TTC22: variants seen among roughly 807,000 people sequenced by gnomAD.
The protein encoded by TTC22 is tetratricopeptide repeat protein 22.
In TTC22, 42 loss-of-function variants were observed where a neutral mutation model predicts 48.2. The observed-to-expected ratio is 0.87, with a 90% CI of 0.68 to 1.13. The LOEUF (loss-of-function observed/expected upper bound fraction) is 1.13. TTC22 is among the 50% of genes most tolerant of loss of function. TTC22 has a pLI of 0.00. For missense variants in TTC22, 784 were observed against 807.0 expected, an observed-to-expected ratio of 0.97 and a Z score of 0.34; for synonymous variants, 345 against 365.5, an observed-to-expected ratio of 0.94 and a Z score of 0.64.
At chr1:54,785,151 T>G (rs995434519) in intron 5 of TTC22, 1 of 197,314 alleles carries the variant, frequency 5.1e-6, no homozygotes, top group Non-Finnish European at 1.0e-5. Context: ...GCACGTGGTG[T>G]TGTGGGATTT....
Position 54,800,601 on chromosome 1 carries a change from T to A in TTC22, c.563A>T (p.Gln188Leu), listed in dbSNP as rs1216926756. 2.6e-6 allele frequency: 4 copies of A among 1,519,048 alleles called. No homozygotes were observed. Among genetic ancestry groups the A allele is most frequent in the Non-Finnish European group, 3.5e-6 (4 of 1,145,906 alleles). 94.1% of individuals were successfully genotyped at this position (1,519,048 alleles called of 1,614,324 possible). Reference sequence around the variant, plus strand: ...AGGGAGACAGGGGTCACCTACCTGCTGCCCGTAGCCTAGCGCCTTGTCGTA... The same window carrying A: ...AGGGAGACAGGGGTCACCTACCTGCAGCCCGTAGCCTAGCGCCTTGTCGTA... ...ALYDKALGYG[Q>L]QIPMEEKRGW... is the part of the protein sequence containing the mutation. Residue 188 changes from glutamine to leucine, a missense_variant, in exon 1 of 7, where the codon CAG becomes CTG. Gln to Leu is a moderately radical substitution (Grantham distance 113). Transcript: ENST00000371276.
chr1:54,801,212 G>C lies in TTC22; in HGVS notation c.-49C>G. The C allele has an allele frequency of 6.3e-7, 1 of 1,578,160 alleles. No individual in the cohort carries two copies. On this transcript the variant is annotated 5_prime_UTR_variant, in exon 1 of 7. Coordinates refer to ENST00000371276, the MANE Select transcript of TTC22 (RefSeq NM_001114108.2). ...CCTCACCCTTGTCCCTGAGGCTGTG[G>C]AGGGCAGTGGATGGGGGCGTTCCCC...
intron 1 of TTC22, among the ~76,000 whole-genome samples, chr1:54,792,226 T>C (rs1470343401): frequency 2.0e-5 from 3 of 152,288 alleles, no homozygotes; most frequent in Non-Finnish European, 4.4e-5. Flanking sequence ...CCTAAAGTAG[T>C]CCCTCATCAG....
In TTC22 at chr1:54,788,059, C is replaced by T; in HGVS notation, c.606G>A (p.Met202Ile). The change falls in exon 2 of 7, where the codon ATG becomes ATA. Residue 202 changes from methionine (M) to isoleucine (I), a missense_variant. Physicochemically the swap from Met to Ile is conservative, Grantham distance 10. Transcript: ENST00000371276. ...TGCCTGACCTGATGTAGAGTGTTGC[C>T]ATGGTGAAATACCAGCCCCTTTTCT... ...MEEKRGWYFT[M>I]ATLYIRLDGI... 6.2e-7 allele frequency: 1 copy of T among 1,614,032 alleles called. No individual in the cohort carries two copies. The highest frequency in any genetic ancestry group is 8.5e-7 in the Non-Finnish European group (1 of 1,179,960).
chr1:54,797,240 C>T (rs1400957548), intron 1 of TTC22, among the ~76,000 whole-genome samples: 3 of 151,054 alleles, frequency 2.0e-5, no homozygotes, highest in Admixed American at 6.6e-5. Context: ...TACCAAGGGT[C>T]CATCTGTGAG....
chr1:54,787,499 G>A (rs775393056), intron 3 of TTC22: 14 of 597,040 alleles, frequency 2.3e-5, no homozygotes, highest in Non-Finnish European at 4.2e-5. Flanking sequence ...CTGCAGACGG[G>A]CAAGCCTGCA....
intron 3 of TTC22, 40 bp from the exon 4 acceptor site, chr1:54,787,115 AG>A: frequency 8.5e-7 from 1 of 1,171,060 alleles, no homozygotes; most frequent in Non-Finnish European, 1.2e-6. Flanking sequence ...AGGAAGCAGC[AG>A]GGTGGAGAGA....
chr1:54,797,424 G>T (rs943618167), intron 1 of TTC22, among the ~76,000 whole-genome samples: 1 of 152,184 alleles, frequency 6.6e-6, no homozygotes, highest in Non-Finnish European at 1.5e-5. Context: ...CAAGGCAGGC[G>T]GATCACCTGA....
intron 5 of TTC22, among the ~76,000 whole-genome samples, chr1:54,783,212 G>A (rs1355562196): frequency 2.6e-5 from 4 of 152,208 alleles, no homozygotes; most frequent in Non-Finnish European, 4.4e-5. Flanking sequence ...CATCAGAAGG[G>A]ATTTGCTTAT....
chr1:54,798,065 C>T (rs1318991565), intron 1 of TTC22, among the ~76,000 whole-genome samples: 3 of 152,188 alleles, frequency 2.0e-5, no homozygotes, highest in African/African-American at 4.8e-5. Context: ...AGTACGCCTG[C>T]GAGGGGTCTC....
chr1:54,784,283 T>A (rs900381143), intron 5 of TTC22, among the ~76,000 whole-genome samples: 2 of 152,168 alleles, frequency 1.3e-5, no homozygotes, highest in African/African-American at 4.8e-5. Flanking sequence ...AGTTCCCTCC[T>A]CCTCCCATCT....
At chr1:54,784,778 G>C (rs536955715) in intron 5 of TTC22, 1 of 1,297,420 alleles carries the variant, frequency 7.7e-7, no homozygotes, top group Non-Finnish European at 1.0e-6. Context: ...AGGACTCTTC[G>C]GCTTGCAGTG....
rs1557778057 is a variant in TTC22 at position 54,799,391 on chromosome 1, C to CACT, written c.567+1205_567+1206insAGT. Among the ~76,000 whole-genome samples the CACT allele has an allele frequency of 2.8e-3, 419 of 152,326 alleles. 1 individual carries two copies. Among genetic ancestry groups the CACT allele is most frequent in the African/African-American group, 9.7e-3 (405 of 41,578 alleles). On this transcript the variant is annotated intron_variant, in intron 1 of 6. Coordinates refer to ENST00000371276, the MANE Select transcript of TTC22 (RefSeq NM_001114108.2). ...AGGAAGGCTTCCCCCAGTGAACGGCCTCCTAAGAGCAGGAAAGTGCCTCAG... is the reference window on the plus strand; with the variant it reads ...AGGAAGGCTTCCCCCAGTGAACGGCCACTTCCTAAGAGCAGGAAAGTGCCTCAG...
intron 5 of TTC22, 31 bp downstream of exon 5, chr1:54,785,952 C>G: frequency 1.3e-6 from 2 of 1,597,154 alleles, no homozygotes; most frequent in Non-Finnish European, 1.7e-6. Context: ...TTCCCAATGG[C>G]AGGGTATGGT....
rs1646437056 is a variant in TTC22 at position 54,801,299 on chromosome 1, C to A, written c.-136G>T. 5.6e-6 allele frequency: 5 copies of A among 896,682 alleles called. No homozygotes were observed. The highest frequency in any genetic ancestry group is 3.1e-5 in the South Asian group (2 of 63,784). 55.5% of individuals were successfully genotyped at this position (896,682 alleles called of 1,614,324 possible). ...AGAGGCCCCGGGCGCTGCGGCCTCT[C>A]GGTCTCAGGGCGCCTCCCGCAGGTG... On this transcript the variant is annotated 5_prime_UTR_variant, in exon 1 of 7. Coordinates refer to ENST00000371276, the MANE Select transcript of TTC22 (RefSeq NM_001114108.2).
Position 54,781,303 on chromosome 1 carries a change from G to A in TTC22, c.1650C>T (p.Thr550=). The stretch of plus-strand genomic sequence containing the variant: ...TGGCGCCCTCGCCCTCGCGCTCCAT[G>A]GTCTCGAAGAGCAGCCGCACCAGCG... ...RPALVRLLFE[T]MEREGEGASA... Residue 550 remains threonine (T), a synonymous_variant, in exon 7 of 7, where the codon ACC becomes ACT. Transcript: ENST00000371276. The A allele has an allele frequency of 6.8e-7, 1 of 1,469,678 alleles. No individual in the cohort carries two copies. Among genetic ancestry groups the A allele is most frequent in the Non-Finnish European group, 8.9e-7 (1 of 1,119,264 alleles). The allele number at this position is 1,469,678 out of a possible 1,614,324, so 91.0% of individuals were successfully genotyped here.
Position 54,784,828 on chromosome 1 carries a change from TG to T in TTC22, c.1020+1154del, listed in dbSNP as rs1417852072. ...CTCCGAGTCGGCTTCCTCAAGCACA[TG>T]GGCTCTGTGTGGGCTCTAGGAGGCA... On this transcript the variant is annotated intron_variant, in intron 5 of 6. Transcript: ENST00000371276. The T allele has an allele frequency of 3.1e-6, 4 of 1,298,564 alleles. No homozygotes were observed. In the East Asian group the frequency reaches 2.3e-4, roughly 74 times the overall value. 80.4% of individuals were successfully genotyped at this position (1,298,564 alleles called of 1,614,324 possible). A position where few individuals can be genotyped will look rare whatever the true frequency, so the allele number is the denominator to read the frequency against.
intron 1 of TTC22, among the ~76,000 whole-genome samples, chr1:54,788,703 A>G (rs1646326226): frequency 6.6e-6 from 1 of 152,168 alleles, no homozygotes; most frequent in South Asian, 2.1e-4. Flanking sequence ...CTCAGGCTCC[A>G]GCCCCTCCCT....
intron 1 of TTC22, among the ~76,000 whole-genome samples, chr1:54,790,846 C>T (rs931903485): frequency 1.1e-4 from 16 of 149,524 alleles, no homozygotes; most frequent in African/African-American, 3.7e-4. Context: ...CTTCTCCGTC[C>T]TCCTCCTCCT....
Sources: allele counts gnomAD v4.1 joint callset (sites outside exome capture counted in the v4.1 genomes callset), GRCh38; gene constraint gnomAD v4.1.1; transcripts MANE v1.5; gene names NCBI Gene and HGNC (gene_info 2026-07-23, HGNC 2026-07-21).